The following GCA variants were observed in gnomAD, a reference collection of about 807,000 sequenced individuals.
The protein encoded by GCA is grancalcin.
Under a neutral mutation model 32.6 loss-of-function variants are expected in GCA, and 30 were observed. That is an observed-to-expected ratio of 0.92 (90% confidence interval 0.69 to 1.25). The LOEUF is 1.25. GCA is among the 50% of genes most tolerant of loss of function. The probability of loss-of-function intolerance (pLI) is 0.00; values close to 1 mark genes in which losing one functional copy is unlikely to be tolerated. For synonymous variants in GCA, 102 were observed against 84.6 expected (o/e 1.21, Z -1.13); for missense variants, 291 against 266.8 (o/e 1.09, Z -0.63).
intron 1 of GCA, among the ~76,000 whole-genome samples, chr2:162,321,624 A>G (rs1347645217): frequency 6.6e-6 from 1 of 152,008 alleles, no homozygotes; most frequent in African/African-American, 2.4e-5. Context: ...AGGCTGTCTG[A>G]GTTCACATCT....
chr2:162,358,014 G>C (rs980875797), intron 5 of GCA, among the ~76,000 whole-genome samples: 3 of 151,432 alleles, frequency 2.0e-5, no homozygotes, highest in Non-Finnish European at 4.4e-5. Context: ...ACATTAGTTT[G>C]CATGTTTTAC....
At chr2:162,346,317 A>G (rs992090584) in intron 1 of GCA, among the ~76,000 whole-genome samples, 4 of 152,228 alleles carry the variant, frequency 2.6e-5, no homozygotes, top group Non-Finnish European at 5.9e-5. Flanking sequence ...GTCCTTAGGA[A>G]TAACTTTTAA....
At chr2:162,320,593 A>G (rs1334755350) in intron 1 of GCA, among the ~76,000 whole-genome samples, 2 of 152,366 alleles carry the variant, frequency 1.3e-5, no homozygotes, top group South Asian at 2.1e-4. Flanking sequence ...GAAAGGATCA[A>G]ATGTTTGGTA....
intron 1 of GCA, among the ~76,000 whole-genome samples, chr2:162,334,343 C>A (rs1054939088): frequency 1.3e-5 from 2 of 151,748 alleles, no homozygotes; most frequent in Non-Finnish European, 2.9e-5. Flanking sequence ...GCTATAATTT[C>A]AACTTAAAAA....
intron 1 of GCA, among the ~76,000 whole-genome samples, chr2:162,332,353 T>C (rs1413008847): frequency 6.8e-6 from 1 of 146,368 alleles, no homozygotes; most frequent in Non-Finnish European, 1.5e-5. Flanking sequence ...TATAATATTA[T>C]TTATATATTA....
At chr2:162,340,309 T>G (rs1016731585), upstream of GCA, among the ~76,000 whole-genome samples, 4 of 152,188 alleles carry the variant, frequency 2.6e-5, no homozygotes, top group Admixed American at 1.3e-4. Context: ...TCTCCAATAT[T>G]AATTCTTGAT....
At chr2:162,353,823 A>G (rs778582320) in intron 3 of GCA, among the ~76,000 whole-genome samples, 16 of 152,122 alleles carry the variant, frequency 1.1e-4, no homozygotes, top group Non-Finnish European at 1.9e-4. Flanking sequence ...GTTTTCTTCA[A>G]TGATATTTTC....
chr2:162,328,322 G>A (rs978267865), intron 1 of GCA, among the ~76,000 whole-genome samples: 4 of 147,158 alleles, frequency 2.7e-5, no homozygotes, highest in Admixed American at 2.1e-4. Flanking sequence ...AACCTGGTAG[G>A]TGGAGGTTGT....
chr2:162,321,715 G>A (rs1460410442), intron 1 of GCA, among the ~76,000 whole-genome samples: 1 of 151,736 alleles, frequency 6.6e-6, no homozygotes, highest in Admixed American at 6.6e-5. Context: ...CTGGTATCAT[G>A]TCAGAAGTTT....
chr2:162,333,514 A>G (rs1231742349), intron 1 of GCA, among the ~76,000 whole-genome samples: 1 of 152,048 alleles, frequency 6.6e-6, no homozygotes, highest in African/African-American at 2.4e-5. Context: ...CTTAGAACTC[A>G]TTCAGAATTT....
At chr2:162,371,727 ACCT>A, downstream of GCA, 2 of 1,119,466 alleles carry the variant, frequency 1.8e-6, no homozygotes, top group Non-Finnish European at 2.5e-6. Flanking sequence ...ATATAATGGT[ACCT>A]TGTGAGCCCC....
chr2:162,326,051 G>A (rs1342393591), intron 1 of GCA, among the ~76,000 whole-genome samples: 1 of 152,144 alleles, frequency 6.6e-6, no homozygotes, highest in African/African-American at 2.4e-5. Flanking sequence ...CAGAGGAGCA[G>A]GGCTTGAGGG....
Position 162,352,415 on chromosome 2 carries a change from CT to C in GCA, c.262+14del. ...TTAATGGAACTTACTCTCGTGAGATCTTTTTTCCCCTTTTGTTGAAATTATA... is the reference window on the plus strand; with the variant it reads ...TTAATGGAACTTACTCTCGTGAGATCTTTTTCCCCTTTTGTTGAAATTATA... On this transcript the variant is annotated intron_variant, in intron 3 of 7. Transcript: ENST00000437150. 42 of 1,460,418 alleles carry C rather than the reference CT, an allele frequency of 2.9e-5. No individual in the cohort carries two copies. The highest frequency in any genetic ancestry group is 3.7e-5 in the Non-Finnish European group (39 of 1,046,906). The allele number at this position is 1,460,418 out of a possible 1,614,324, so 90.5% of individuals were successfully genotyped here.
At chr2:162,373,580 T>C (rs1686046282), downstream of GCA, 2 of 1,590,142 alleles carry the variant, frequency 1.3e-6, 1 homozygote, top group Admixed American at 3.5e-5. Flanking sequence ...GTTACCATAC[T>C]GTAGGCTGGG....
intron 3 of GCA, among the ~76,000 whole-genome samples, chr2:162,354,381 A>G (rs1467877557): frequency 1.3e-5 from 2 of 152,118 alleles, no homozygotes; most frequent in Non-Finnish European, 2.9e-5. Context: ...GGGTTCTCAA[A>G]TCTTTTGTAA....
At chr2:162,322,948 G>C (rs949135596) in intron 1 of GCA, among the ~76,000 whole-genome samples, 1 of 151,806 alleles carries the variant, frequency 6.6e-6, no homozygotes, top group African/African-American at 2.4e-5. Context: ...GGGTCAAATG[G>C]TATTTCTAGT....
At chr2:162,324,983 T>C (rs1683824223) in intron 1 of GCA, among the ~76,000 whole-genome samples, 1 of 150,814 alleles carries the variant, frequency 6.6e-6, no homozygotes, top group African/African-American at 2.5e-5. Flanking sequence ...GTTTGATGGC[T>C]TCTAGGCATG....
At chr2:162,371,939 T>C, downstream of GCA, 2 of 1,613,902 alleles carry the variant, frequency 1.2e-6, no homozygotes, top group Non-Finnish European at 1.7e-6. Flanking sequence ...TGAACGTAAG[T>C]TTTTCTTTGC....
At chr2:162,329,805 G>T in intron 1 of GCA, among the ~76,000 whole-genome samples, 1 of 152,012 alleles carries the variant, frequency 6.6e-6, no homozygotes, top group East Asian at 1.9e-4. Context: ...GTACCCATTC[G>T]TTATTTTTCA....
Sources: gnomAD v4.1 joint callset for allele counts (sites outside exome capture counted in the v4.1 genomes callset) on GRCh38, gnomAD v4.1.1 for gene constraint, MANE v1.5 for transcripts, NCBI Gene and HGNC (gene_info 2026-07-23, HGNC 2026-07-21) for gene names.